The following MDN1 variants were observed in gnomAD, a reference collection of about 807,000 sequenced individuals.
MDN1 encodes the protein midasin.
In MDN1, 266 loss-of-function variants were observed where a neutral mutation model predicts 669.2. The observed-to-expected ratio is 0.40, with a 90% CI of 0.36 to 0.44. MDN1 has a LOEUF of 0.44. MDN1 is among the 20% of genes least tolerant of loss of function. MDN1 has a pLI of 1.00. For missense variants in MDN1, 5,940 were observed against 6,754.0 expected (o/e 0.88, Z 4.22); for synonymous variants, 2,385 against 2,457.1 (o/e 0.97, Z 0.87).
At chr6:89,706,251 C>T in intron 52 of MDN1, 59 bp from the exon 53 acceptor site, 1 of 1,518,136 alleles carries the variant, frequency 6.6e-7, no homozygotes, top group South Asian at 1.3e-5. Flanking sequence ...AATCTCTGGA[C>T]ATTTTCAAAA....
intron 12 of MDN1, among the ~76,000 whole-genome samples, chr6:89,775,837 C>T (rs1322171469): frequency 6.6e-6 from 1 of 152,022 alleles, no homozygotes; most frequent in African/African-American, 2.4e-5. Flanking sequence ...AGGCATGTGC[C>T]ACCACACCCA....
chr6:89,793,613 A>G, intron 5 of MDN1, 149 bp downstream of exon 5: 1 of 590,214 alleles, frequency 1.7e-6, no homozygotes, highest in Non-Finnish European at 2.8e-6. Context: ...AAAGCCCAAG[A>G]TGAATTTCTT....
At chr6:89,708,130 T>C (rs1426266962) in intron 51 of MDN1, among the ~76,000 whole-genome samples, 2 of 152,014 alleles carry the variant, frequency 1.3e-5, no homozygotes, top group Non-Finnish European at 2.9e-5. Context: ...GGCAAAACCC[T>C]GTCTCTACAA....
At chr6:89,802,106 TTA>T (rs1356038048) in intron 2 of MDN1, among the ~76,000 whole-genome samples, 1 of 152,344 alleles carries the variant, frequency 6.6e-6, no homozygotes, top group East Asian at 1.9e-4. Flanking sequence ...GGATAATTTT[TTA>T]TGAGACAGAA....
intron 97 of MDN1, among the ~76,000 whole-genome samples, chr6:89,648,795 AC>A (rs1241505588): frequency 8.1e-6 from 1 of 123,904 alleles, no homozygotes; most frequent in Non-Finnish European, 1.6e-5. Flanking sequence ...ACAGAGTGAA[AC>A]CCTGTAACCC....
At chr6:89,712,513 A>G (rs975795097) in intron 48 of MDN1, 62 bp downstream of exon 48, 7 of 1,506,848 alleles carry the variant, frequency 4.6e-6, no homozygotes, top group Non-Finnish European at 6.5e-6. Context: ...TGTCCTGACC[A>G]TTTCCAGCAA....
intron 86 of MDN1, 28 bp downstream of exon 86, chr6:89,662,764 T>C: frequency 3.7e-6 from 6 of 1,611,586 alleles, no homozygotes; most frequent in Non-Finnish European, 5.1e-6. Context: ...TCTCAGCTTG[T>C]TTGGGAGGGG....
At chr6:89,699,500 G>A in intron 58 of MDN1, 101 bp downstream of exon 58, 1 of 1,374,584 alleles carries the variant, frequency 7.3e-7, no homozygotes, top group Non-Finnish European at 9.7e-7. Flanking sequence ...TTTCCAATAT[G>A]GAATTTTGAG....
At chr6:89,682,125 T>C (rs1332202511) in intron 73 of MDN1, among the ~76,000 whole-genome samples, 1 of 152,196 alleles carries the variant, frequency 6.6e-6, no homozygotes, top group Non-Finnish European at 1.5e-5. Flanking sequence ...TTGGCCATAA[T>C]AGGAGTATTT....
chr6:89,747,605 T>G, intron 26 of MDN1, 135 bp from the exon 27 acceptor site: 8 of 1,115,966 alleles, frequency 7.2e-6, no homozygotes, highest in Middle Eastern at 4.2e-4. Flanking sequence ...TAAGATTAAT[T>G]TTTTGGCCGG....
In MDN1 at chr6:89,781,586, G is replaced by A. The variant is rs771530222; in HGVS notation, c.1456C>T (p.Gln486Ter). 6.3e-7 allele frequency: 1 copy of A among 1,580,646 alleles called. No individual in the cohort carries two copies. Among genetic ancestry groups the A allele is most frequent in the Non-Finnish European group, 8.6e-7 (1 of 1,162,584 alleles). The change falls in exon 10 of 102, where the codon CAG (glutamine) becomes TAG (stop). Residue 486 changes from glutamine (Q) to a stop codon, truncating the protein, a stop_gained. Transcript: ENST00000369393. LOFTEE classifies it high-confidence loss of function. ...LDKRELNEVL[Q>*]SRYPSLLAVV... ...GCCAATAGGCTAGGATATCTGCTCT[G>A]AAGAACCTGACAGAGGGGGAAAAAA...
intron 73 of MDN1, among the ~76,000 whole-genome samples, chr6:89,681,594 T>C (rs947421629): frequency 1.3e-5 from 2 of 152,144 alleles, no homozygotes; most frequent in Admixed American, 6.6e-5. Context: ...CAAATCAAAA[T>C]TGTTGATCAG....
In MDN1 at chr6:89,819,515, C is replaced by T. The variant is rs746130653; in HGVS notation, c.93G>A (p.Leu31=). ...EKSRSELGRF[L]AKQVWTPQDR... The stretch of plus-strand genomic sequence containing the variant: ...TCCCTTCACGTCTTACCTGCTTGGC[C>T]AAGAACCTGCCCAACTCACTGCGGC... The change falls in exon 1 of 102, where the codon TTG becomes TTA. Residue 31 remains leucine (L), a synonymous_variant. Transcript: ENST00000369393. The T allele has an allele frequency of 1.1e-5, 18 of 1,606,072 alleles. No individual in the cohort carries two copies. The East Asian group carries it at 3.8e-4, about 34-fold the overall frequency.
chr6:89,771,854 A>G (rs1169176070), intron 14 of MDN1, among the ~76,000 whole-genome samples: 1 of 152,088 alleles, frequency 6.6e-6, no homozygotes, highest in Non-Finnish European at 1.5e-5. Flanking sequence ...CTACAGGCAT[A>G]TACAACCAGA....
At chr6:89,802,239 C>A (rs1301485997) in intron 2 of MDN1, among the ~76,000 whole-genome samples, 1 of 152,128 alleles carries the variant, frequency 6.6e-6, no homozygotes, top group Non-Finnish European at 1.5e-5. Flanking sequence ...TTCTCAACCC[C>A]TTTTAGAAAA....
intron 24 of MDN1, 67 bp from the exon 25 acceptor site, chr6:89,749,818 C>T: frequency 8.4e-7 from 1 of 1,192,914 alleles, no homozygotes; most frequent in Non-Finnish European, 1.2e-6. Context: ...GCATTATGTA[C>T]AAATCAACAA....
intron 97 of MDN1, among the ~76,000 whole-genome samples, chr6:89,648,989 T>TA (rs35332439): frequency 0.14 from 19,262 of 134,944 alleles, 1,633 homozygotes; most frequent in South Asian, 0.21. Context: ...ACCCTGTCTT[T>TA]AAAAAAAAAA....
chr6:89,664,779 A>G, intron 84 of MDN1, 151 bp from the exon 85 acceptor site: 1 of 608,480 alleles, frequency 1.6e-6, no homozygotes, highest in South Asian at 2.9e-5. Flanking sequence ...TGGAATTTGT[A>G]AAATTTCTGG....
intron 53 of MDN1, among the ~76,000 whole-genome samples, chr6:89,704,379 C>G (rs1813385139): frequency 6.6e-6 from 1 of 152,004 alleles, no homozygotes; most frequent in African/African-American, 2.4e-5. Flanking sequence ...GAGACTCTGT[C>G]TCAAAAAAAA....
Sources: gnomAD v4.1 joint callset for allele counts (sites outside exome capture counted in the v4.1 genomes callset) on GRCh38, gnomAD v4.1.1 for gene constraint, MANE v1.5 for transcripts, NCBI Gene and HGNC (gene_info 2026-07-23, HGNC 2026-07-21) for gene names.